The following DST variants were observed in gnomAD, a reference collection of about 807,000 sequenced individuals.
The protein encoded by DST is bullous pemphigoid antigen.
A neutral mutation model predicts 875.2 loss-of-function variants in DST; 253 were observed. The observed-to-expected ratio is 0.29, with a 90% CI of 0.26 to 0.32. The LOEUF (loss-of-function observed/expected upper bound fraction) is 0.32, where lower values mean the gene tolerates loss of function less well. Among genes scored for constraint, DST ranks in the 10% least tolerant of loss-of-function variants. The probability of loss-of-function intolerance (pLI) is 1.00; values close to 1 mark genes in which losing one functional copy is unlikely to be tolerated. For missense variants in DST, 8,287 were observed against 9,111.6 expected (o/e 0.91, Z 3.68); for synonymous variants, 3,124 against 3,197.1 (o/e 0.98, Z 0.77).
At chr6:56,915,723 A>G (rs1166109129) in intron 2 of DST, among the ~76,000 whole-genome samples, 1 of 152,260 alleles carries the variant, frequency 6.6e-6, no homozygotes, top group African/African-American at 2.4e-5. Context: ...GACAAAAGTC[A>G]ATGTATCAGG....
chr6:56,482,573 G>A (rs554332518), intron 89 of DST, 110 bp downstream of exon 89: 3 of 1,089,716 alleles, frequency 2.8e-6, no homozygotes, highest in East Asian at 4.9e-5. Context: ...TCCTTCTTCA[G>A]ACTGTCCTGA....
Position 56,692,934 on chromosome 6 carries a change from T to C in DST, c.1047+6719A>G, listed in dbSNP as rs753224181. 2.6e-5 allele frequency: 34 copies of C among 1,289,786 alleles called. 2 individuals carry two copies. In the South Asian group the frequency reaches 4.2e-4, roughly 16 times the overall value. 79.9% of individuals were successfully genotyped at this position (1,289,786 alleles called of 1,614,324 possible). On this transcript the variant is annotated intron_variant, in intron 9 of 103. Transcript: ENST00000680361. ...GTACCAGTCCCCTGGATAAAGGAGC[T>C]GGCTGTTCTTTTGAAGGCTGACTGC...
At position 56,472,107 on chromosome 6, in the gene DST, C is replaced by A; in HGVS notation, c.22110G>T (p.Ala7370=). 6.2e-7 allele frequency: 1 copy of A among 1,613,950 alleles called. No individual in the cohort carries two copies. The highest frequency in any genetic ancestry group is 8.5e-7 in the Non-Finnish European group (1 of 1,179,852). Residue 7370 remains alanine, a synonymous_variant, in exon 94 of 104, where the codon GCG becomes GCT. Coordinates refer to ENST00000680361, the MANE Select transcript of DST (RefSeq NM_001374736.1). The part of the protein sequence containing the change: ...VSKWQQVWLL[A]LERRRKLNDA... ...CATTGAGTTTCCTCCTTCTTTCCAA[C>A]GCCAGGAGCCAGACTTGCTGCCATT...
At position 56,476,040 on chromosome 6, in the gene DST, A is replaced by T. The variant is rs1415619680; in HGVS notation, c.21864+109T>A. On this transcript the variant is annotated intron_variant, in intron 92 of 103. Transcript: ENST00000680361. ...CAGTTGTAAGGAGCTGAGGAGTCTG[A>T]AGAAGTGAAAATAACGAGAACAAAG... The T allele has an allele frequency of 6.0e-6, 6 of 995,506 alleles. No homozygotes were observed. The East Asian group carries it at 1.6e-4, about 27-fold the overall frequency. 61.7% of individuals were successfully genotyped at this position (995,506 alleles called of 1,614,324 possible). A position where few individuals can be genotyped will look rare whatever the true frequency, so the allele number is the denominator to read the frequency against.
At chr6:56,806,882 AG>A (rs778106878) in intron 4 of DST, among the ~76,000 whole-genome samples, 43 of 152,344 alleles carry the variant, frequency 2.8e-4, no homozygotes, top group Middle Eastern at 3.4e-3. Flanking sequence ...AACTTGACCA[AG>A]GTCACTCCAT....
chr6:56,854,229 C>T (rs558674169), intron 3 of DST, among the ~76,000 whole-genome samples: 6 of 152,158 alleles, frequency 3.9e-5, no homozygotes, highest in South Asian at 2.1e-4. Flanking sequence ...GAAAAGAGTG[C>T]GGAACTACAG....
chr6:56,493,189 CT>C, intron 83 of DST, 100 bp from the exon 84 acceptor site: 1 of 1,005,544 alleles, frequency 9.9e-7, no homozygotes, highest in Non-Finnish European at 1.4e-6. Context: ...CCTATCCCCA[CT>C]TTATTTATGC....
At chr6:56,472,759 C>T (rs1398252728) in intron 93 of DST, among the ~76,000 whole-genome samples, 1 of 152,190 alleles carries the variant, frequency 6.6e-6, no homozygotes, top group African/African-American at 2.4e-5. Flanking sequence ...TCGCCCACAT[C>T]CATTTTCCAC....
At chr6:56,620,351 CT>C in intron 36 of DST, 1 of 1,614,182 alleles carries the variant, frequency 6.2e-7, no homozygotes, top group Non-Finnish European at 8.5e-7. Flanking sequence ...CACGGCAGCT[CT>C]TTTAGCCTCG....
At chr6:56,771,491 A>AT (rs1164289617) in intron 4 of DST, among the ~76,000 whole-genome samples, 1 of 152,150 alleles carries the variant, frequency 6.6e-6, no homozygotes, top group South Asian at 2.1e-4. Context: ...CTGTAATTTT[A>AT]TTTTTTTCTA....
intron 92 of DST, among the ~76,000 whole-genome samples, chr6:56,474,683 C>A (rs1404948330): frequency 6.6e-6 from 1 of 152,112 alleles, no homozygotes; most frequent in Non-Finnish European, 1.5e-5. Flanking sequence ...CATCTGTCTA[C>A]AAACAAACTA....
intron 101 of DST, among the ~76,000 whole-genome samples, 167 bp from the exon 102 acceptor site, chr6:56,463,323 G>A (rs1474171220): frequency 6.6e-6 from 1 of 152,090 alleles, no homozygotes; most frequent in East Asian, 1.9e-4. Context: ...AATGAATGAA[G>A]CTTTAAAAAG....
Position 56,459,090 on chromosome 6 carries a change from C to T in DST, c.23372G>A (p.Arg7791Gln), listed in dbSNP as rs761116868. The T allele has an allele frequency of 1.9e-6, 3 of 1,613,960 alleles. No homozygotes were observed. The highest frequency in any genetic ancestry group is 1.7e-5 in the Admixed American group (1 of 60,018). Residue 7791 changes from arginine to glutamine, a missense_variant, in exon 104 of 104, where the codon CGG (arginine) becomes CAG (glutamine). Physicochemically the swap from Arg to Gln is conservative, Grantham distance 43. Transcript: ENST00000680361. ...THRPTPRAGS[R>Q]PSTAKPSKIP... ...TTTTGAAGGCTTCGCTGTGGATGGCCGAGAACCTGCTCGGGGTGTAGGTCT... is the reference window on the plus strand; with the variant it reads ...TTTTGAAGGCTTCGCTGTGGATGGCTGAGAACCTGCTCGGGGTGTAGGTCT...
intron 36 of DST, 137 bp downstream of exon 36, chr6:56,624,393 T>C (rs1336757340): frequency 4.2e-6 from 3 of 711,560 alleles, no homozygotes; most frequent in Middle Eastern, 2.3e-4. Context: ...AATTTTATAA[T>C]TCAATATTTA....
intron 61 of DST, among the ~76,000 whole-genome samples, chr6:56,545,235 C>T (rs2097203854): frequency 6.6e-6 from 1 of 151,930 alleles, no homozygotes; most frequent in African/African-American, 2.4e-5. Context: ...AACACCTGGG[C>T]TCAAGCAGTC....
At chr6:56,486,320 G>A (rs956314649) in intron 87 of DST, among the ~76,000 whole-genome samples, 22 of 124,022 alleles carry the variant, frequency 1.8e-4, no homozygotes, top group Middle Eastern at 6.7e-3. Flanking sequence ...CCGAGATCCC[G>A]CCACTGCACT....
chr6:56,754,134 A>G (rs925666085), intron 4 of DST, among the ~76,000 whole-genome samples: 1 of 152,232 alleles, frequency 6.6e-6, no homozygotes, highest in Admixed American at 6.5e-5. Flanking sequence ...AAGAAACTGA[A>G]GAATATATAG....
At chr6:56,667,830 C>CAT (rs1245220856) in intron 10 of DST, among the ~76,000 whole-genome samples, 1 of 139,656 alleles carries the variant, frequency 7.2e-6, no homozygotes, top group Non-Finnish European at 1.5e-5. Flanking sequence ...TATATATATA[C>CAT]ACACACACAC....
In DST at chr6:56,618,111, G is replaced by A. The variant is rs142546557; in HGVS notation, c.4930-3627C>T. On this transcript the variant is annotated intron_variant, in intron 36 of 103. Transcript: ENST00000680361. ...TCAATTTCAGACAGTCTTGTAATGGGGTTTGTCTCATCAAAAGTTATCTGT... is the reference window on the plus strand; with the variant it reads ...TCAATTTCAGACAGTCTTGTAATGGAGTTTGTCTCATCAAAAGTTATCTGT... 87 of 1,614,042 alleles carry A rather than the reference G, an allele frequency of 5.4e-5. No homozygotes were observed. In the African/African-American group the frequency reaches 9.7e-4, roughly 18 times the overall value.
Sources: allele counts gnomAD v4.1 joint callset (sites outside exome capture counted in the v4.1 genomes callset), GRCh38; gene constraint gnomAD v4.1.1; transcripts MANE v1.5; gene names NCBI Gene and HGNC (gene_info 2026-07-23, HGNC 2026-07-21).